GMDS: variants seen among roughly 807,000 people sequenced by gnomAD.
GMDS encodes GDP-mannose 4,6-dehydratase.
In GMDS, 20 loss-of-function variants were observed where a neutral mutation model predicts 49.9. The ratio of observed to expected loss-of-function variants is 0.40; its 90% CI spans 0.28 to 0.58. GMDS has a LOEUF of 0.58. GMDS is among the 20% of genes least tolerant of loss of function. The probability of loss-of-function intolerance (pLI) is 0.42; values close to 1 mark genes in which losing one functional copy is unlikely to be tolerated. For missense variants in GMDS, 362 were observed against 481.4 expected (o/e 0.75, Z 2.32); for synonymous variants, 177 against 178.6 (o/e 0.99, Z 0.07).
chr6:2,115,628 G>T, intron 4 of GMDS, 143 bp downstream of exon 4: 1 of 616,066 alleles, frequency 1.6e-6, no homozygotes, highest in Non-Finnish European at 2.9e-6. Context: ...CTTCAATTAG[G>T]ATTAATACTT....
chr6:2,149,660 T>A (rs1399452332), intron 1 of GMDS, among the ~76,000 whole-genome samples: 1 of 152,228 alleles, frequency 6.6e-6, no homozygotes, highest in Non-Finnish European at 1.5e-5. Flanking sequence ...AACTACTATT[T>A]AAAAGTGCAT....
chr6:1,833,428 A>C lies in GMDS; in HGVS notation c.772-90842T>G, dbSNP rs1756769905. Among the ~76,000 whole-genome samples the C allele has an allele frequency of 1.3e-5, 2 of 152,108 alleles. No individual in the cohort carries two copies. The highest frequency in any genetic ancestry group is 1.3e-4 in the Admixed American group (2 of 15,282). On this transcript the variant is annotated intron_variant, in intron 7 of 10. Transcript: ENST00000380815. This position sits in a 1 kb window ranked among gnomAD's most constrained non-coding sequence, Gnocchi z 4.4. ...GAGTGATTCACTATTTCATGGCACAATGAGGGGAGGAGGACGCTGTAATAA... is the reference window on the plus strand; with the variant it reads ...GAGTGATTCACTATTTCATGGCACACTGAGGGGAGGAGGACGCTGTAATAA...
intron 9 of GMDS, among the ~76,000 whole-genome samples, chr6:1,692,707 G>T (rs1376526803): frequency 1.3e-5 from 2 of 152,150 alleles, no homozygotes; most frequent in Non-Finnish European, 2.9e-5. Flanking sequence ...TAATTTTCAT[G>T]ACAGACATTA....
intron 9 of GMDS, among the ~76,000 whole-genome samples, chr6:1,723,581 G>A (rs1034471999): frequency 2.8e-4 from 34 of 122,274 alleles, no homozygotes; most frequent in Middle Eastern, 3.7e-3. Context: ...CACCCGCCTC[G>A]GCCTCTTTAT....
chr6:2,154,245 G>A (rs12202716), intron 1 of GMDS, among the ~76,000 whole-genome samples: 1 of 152,170 alleles, frequency 6.6e-6, no homozygotes, highest in Middle Eastern at 3.4e-3. Context: ...TTCTTCTTCA[G>A]CTGTTGGCCC....
intron 1 of GMDS, among the ~76,000 whole-genome samples, chr6:2,225,686 C>A (rs994658763): frequency 2.6e-5 from 4 of 152,188 alleles, no homozygotes; most frequent in Admixed American, 2.6e-4. Flanking sequence ...TGTGATTATC[C>A]AGTAAGCTAG....
At chr6:2,139,802 A>G (rs1776194438) in intron 1 of GMDS, among the ~76,000 whole-genome samples, 2 of 152,206 alleles carry the variant, frequency 1.3e-5, no homozygotes, top group South Asian at 2.1e-4. Flanking sequence ...CAAGAGATGC[A>G]GAGTGTGTTA....
chr6:1,883,953 C>T (rs1759482180), intron 7 of GMDS, among the ~76,000 whole-genome samples: 1 of 152,062 alleles, frequency 6.6e-6, no homozygotes, highest in Non-Finnish European at 1.5e-5. Context: ...GTTTTAATCC[C>T]AGTTCATTTA....
At chr6:2,160,415 A>C in intron 1 of GMDS, among the ~76,000 whole-genome samples, 1 of 152,244 alleles carries the variant, frequency 6.6e-6, no homozygotes, top group East Asian at 1.9e-4. Context: ...AACACTTTTC[A>C]GCTAGAAAGA....
At chr6:2,187,133 G>A (rs1778813147) in intron 1 of GMDS, among the ~76,000 whole-genome samples, 1 of 152,202 alleles carries the variant, frequency 6.6e-6, no homozygotes, top group Non-Finnish European at 1.5e-5. Flanking sequence ...AGAAATGGAT[G>A]AGTAAGTTGG....
chr6:1,906,523 A>C (rs962004016), intron 7 of GMDS, among the ~76,000 whole-genome samples: 2 of 152,202 alleles, frequency 1.3e-5, no homozygotes, highest in Non-Finnish European at 2.9e-5. Context: ...TTTTAAACCT[A>C]GGTTATCTGA....
At position 2,124,674 on chromosome 6, in the gene GMDS, T is replaced by C. The variant is rs752844924; in HGVS notation, c.147+13A>G. On this transcript the variant is annotated intron_variant, in intron 2 of 10. Transcript: ENST00000380815. ...CCCACCAGCCTGCGCCCGCTTCCCA[T>C]TGAGTCACCCACCTCATAGCCTTTC... 8.1e-6 allele frequency: 13 copies of C among 1,610,720 alleles called. No individual in the cohort carries two copies. The highest frequency in any genetic ancestry group is 4.0e-5 in the African/African-American group (3 of 74,812).
chr6:1,629,353 G>T (rs1762930888), intron 9 of GMDS, among the ~76,000 whole-genome samples: 1 of 152,092 alleles, frequency 6.6e-6, no homozygotes, highest in Admixed American at 6.5e-5. Context: ...GTGGAAGTCA[G>T]ACCTCTCCTT....
chr6:1,992,170 T>C (rs1765988651), intron 4 of GMDS, among the ~76,000 whole-genome samples: 1 of 152,210 alleles, frequency 6.6e-6, no homozygotes, highest in South Asian at 2.1e-4. Context: ...TTTCTGAGTA[T>C]TCCCCAAGGG....
chr6:1,645,247 T>C (rs183440915), intron 9 of GMDS, among the ~76,000 whole-genome samples: 2 of 152,290 alleles, frequency 1.3e-5, no homozygotes, highest in African/African-American at 4.8e-5. Flanking sequence ...TTGATTCTTA[T>C]ACCCTGTCAT....
chr6:1,711,199 C>G (rs957657073), intron 9 of GMDS, among the ~76,000 whole-genome samples: 1 of 152,256 alleles, frequency 6.6e-6, no homozygotes, highest in Admixed American at 6.5e-5. Flanking sequence ...GCATCATTCC[C>G]TGACTGCAGC....
chr6:1,756,758 T>C (rs757793090), intron 7 of GMDS, among the ~76,000 whole-genome samples: 143 of 152,330 alleles, frequency 9.4e-4, no homozygotes, highest in Middle Eastern at 3.4e-3. Flanking sequence ...CACGTGGCCA[T>C]TCTCCAGCTA....
intron 4 of GMDS, among the ~76,000 whole-genome samples, chr6:2,045,604 G>T (rs571352881): frequency 6.6e-6 from 1 of 151,982 alleles, no homozygotes; most frequent in African/African-American, 2.4e-5. Context: ...GGTTTTGGGG[G>T]TTTTGTTTGT....
chr6:2,193,517 A>T (rs944763593), intron 1 of GMDS, among the ~76,000 whole-genome samples: 1 of 152,178 alleles, frequency 6.6e-6, no homozygotes, highest in Non-Finnish European at 1.5e-5. Context: ...ACATCTGAAT[A>T]CTGAGATGCA....
Sources: allele counts gnomAD v4.1 joint callset (sites outside exome capture counted in the v4.1 genomes callset), GRCh38; gene constraint gnomAD v4.1.1; non-coding constraint Gnocchi (gnomAD v3.1); transcripts MANE v1.5; gene names NCBI Gene and HGNC (gene_info 2026-07-23, HGNC 2026-07-21).